PPIG: variants seen among roughly 807,000 people sequenced by gnomAD.
The protein encoded by PPIG is peptidylprolyl isomerase G, also known as peptidyl-prolyl cis-trans isomerase G.
A neutral mutation model predicts 87.9 loss-of-function variants in PPIG; 26 were observed. The ratio of observed to expected loss-of-function variants is 0.30; its 90% confidence interval spans 0.22 to 0.41. The LOEUF (loss-of-function observed/expected upper bound fraction) is 0.41, where lower values mean the gene tolerates loss of function less well. Among genes scored for constraint, PPIG ranks in the 10% least tolerant of loss-of-function variants. The pLI, the probability that PPIG is intolerant of heterozygous loss-of-function variation, is 1.00. For missense variants in PPIG, 722 were observed against 879.4 expected (o/e 0.82, Z 2.26); for synonymous variants, 308 against 276.5 (o/e 1.11, Z -1.13).
At chr2:169,607,696 T>C (rs1156616262) in intron 6 of PPIG, among the ~76,000 whole-genome samples, 2 of 152,244 alleles carry the variant, frequency 1.3e-5, no homozygotes, top group Admixed American at 1.3e-4. Context: ...AAATTCTACA[T>C]GATTTGTTCT....
intron 1 of PPIG, among the ~76,000 whole-genome samples, chr2:169,585,681 C>G (rs1185072537): frequency 6.6e-6 from 1 of 152,112 alleles, no homozygotes; most frequent in Non-Finnish European, 1.5e-5. Flanking sequence ...CCACGATAGC[C>G]CTTTCTGTGT....
chr2:169,633,153 C>G lies in PPIG; in HGVS notation c.930-7C>G. The G allele has an allele frequency of 1.9e-6, 3 of 1,587,418 alleles. No homozygotes were observed. In the South Asian group the frequency reaches 3.3e-5, roughly 18 times the overall value. ...AATGTGTTAACTTTCTGTTTGCTTC[C>G]TTCTAGTAATCCACCTAACTCCCAG... is the stretch of plus-strand genomic sequence containing the variant. On this transcript the variant is annotated splice_region_variant and splice_polypyrimidine_tract_variant and intron_variant, in intron 11 of 13. Coordinates refer to ENST00000260970, the MANE Select transcript of PPIG (RefSeq NM_004792.3).
chr2:169,631,733 T>C (rs1230478330), intron 10 of PPIG, 33 bp from the exon 11 acceptor site: 12 of 1,612,892 alleles, frequency 7.4e-6, no homozygotes, highest in Non-Finnish European at 1.0e-5. Flanking sequence ...AATAACCAAC[T>C]GTAACTTGTT....
At chr2:169,608,844 A>T (rs1685407761) in intron 7 of PPIG, 86 bp downstream of exon 7, 2 of 871,016 alleles carry the variant, frequency 2.3e-6, no homozygotes, top group South Asian at 2.9e-5. Context: ...GGACTTTGGG[A>T]GGCTGAGGCG....
chr2:169,634,803 TC>T (rs1457187701), intron 12 of PPIG, among the ~76,000 whole-genome samples: 1 of 152,204 alleles, frequency 6.6e-6, no homozygotes, highest in Non-Finnish European at 1.5e-5. Context: ...TTAATTCAAC[TC>T]CATCATATTG....
chr2:169,610,566 C>T (rs940060426), intron 7 of PPIG, among the ~76,000 whole-genome samples: 8 of 152,024 alleles, frequency 5.3e-5, no homozygotes, highest in African/African-American at 1.9e-4. Context: ...TCTCTCCCAC[C>T]CAACCCTTCC....
intron 1 of PPIG, among the ~76,000 whole-genome samples, chr2:169,601,120 A>G (rs1437626496): frequency 6.6e-6 from 1 of 152,218 alleles, no homozygotes; most frequent in Non-Finnish European, 1.5e-5. Flanking sequence ...CTTTTGAACT[A>G]AACAGTAGGT....
chr2:169,634,220 C>T (rs1433711879), intron 12 of PPIG, among the ~76,000 whole-genome samples: 1 of 152,082 alleles, frequency 6.6e-6, no homozygotes, highest in Non-Finnish European at 1.5e-5. Flanking sequence ...ATCACCACAT[C>T]TGGCTAATTT....
chr2:169,619,632 TTC>T (rs1265544809), intron 9 of PPIG, among the ~76,000 whole-genome samples: 6 of 152,160 alleles, frequency 3.9e-5, no homozygotes, highest in Non-Finnish European at 8.8e-5. Context: ...AATGCCCTCT[TTC>T]TGTTTTTGAT....
At chr2:169,630,675 T>A in intron 9 of PPIG, 99 bp from the exon 10 acceptor site, 1 of 1,013,698 alleles carries the variant, frequency 9.9e-7, no homozygotes, top group Non-Finnish European at 1.5e-6. Flanking sequence ...ATCTAAGTGC[T>A]AAATACTGAA....
intron 5 of PPIG, among the ~76,000 whole-genome samples, chr2:169,606,646 A>G (rs79034995): frequency 0.098 from 14,681 of 149,442 alleles, 912 homozygotes; most frequent in Middle Eastern, 0.19. Flanking sequence ...CCTTTGACAC[A>G]TGAATTTCAG....
At chr2:169,607,507 A>T (rs185820650) in intron 6 of PPIG, among the ~76,000 whole-genome samples, 71 of 152,306 alleles carry the variant, frequency 4.7e-4, no homozygotes, top group Admixed American at 1.2e-3. Context: ...GAACATTTTT[A>T]AAAAATCTTT....
chr2:169,600,037 TATTTTG>T (rs1374493299), intron 1 of PPIG, among the ~76,000 whole-genome samples: 1 of 152,074 alleles, frequency 6.6e-6, no homozygotes, highest in Non-Finnish European at 1.5e-5. Flanking sequence ...TCTTAGTTTC[TATTTTG>T]TGGGGAGGTA....
chr2:169,589,618 T>C (rs1684804036), intron 1 of PPIG, among the ~76,000 whole-genome samples: 1 of 152,202 alleles, frequency 6.6e-6, no homozygotes, highest in African/African-American at 2.4e-5. Context: ...CCTTTCTTTC[T>C]TGGTTGTAAA....
At chr2:169,625,707 T>C (rs1393918827) in intron 9 of PPIG, among the ~76,000 whole-genome samples, 1 of 152,134 alleles carries the variant, frequency 6.6e-6, no homozygotes, top group Non-Finnish European at 1.5e-5. Flanking sequence ...TCCTTTCTCT[T>C]TGGAGAACTT....
intron 1 of PPIG, among the ~76,000 whole-genome samples, chr2:169,596,544 G>A (rs1416174977): frequency 6.6e-6 from 1 of 152,180 alleles, no homozygotes; most frequent in Non-Finnish European, 1.5e-5. Flanking sequence ...CAGGAAAGCG[G>A]AGAACTTTCT....
At chr2:169,604,327 GTTTTTTTT>G (rs71006008) in intron 4 of PPIG, 66 bp downstream of exon 4, 236 of 347,168 alleles carry the variant, frequency 6.8e-4, no homozygotes, top group Middle Eastern at 1.7e-3. Flanking sequence ...TGCTTGCTTG[GTTTTTTTT>G]TTTTTTTTTT....
At chr2:169,599,603 A>G (rs1045339282) in intron 1 of PPIG, among the ~76,000 whole-genome samples, 1 of 152,232 alleles carries the variant, frequency 6.6e-6, no homozygotes, top group Non-Finnish European at 1.5e-5. Flanking sequence ...CAAGTTGCTT[A>G]TCAAAACTGC....
chr2:169,608,631 T>A (rs1685400701), intron 6 of PPIG, 40 bp from the exon 7 acceptor site: 1 of 1,403,036 alleles, frequency 7.1e-7, no homozygotes, highest in Admixed American at 1.7e-5. Flanking sequence ...TTTTTGGAGG[T>A]TATATCTATA....
Sources: allele counts gnomAD v4.1 joint callset (sites outside exome capture counted in the v4.1 genomes callset), GRCh38; gene constraint gnomAD v4.1.1; transcripts MANE v1.5; gene names NCBI Gene and HGNC (gene_info 2026-07-23, HGNC 2026-07-21).